GIT1: variants seen among roughly 807,000 people sequenced by gnomAD.
GIT1 encodes the protein GIT ArfGAP 1, also known as ARF GTPase-activating protein GIT1.
Under a neutral mutation model 91.7 loss-of-function variants are expected in GIT1, and 14 were observed. The observed-to-expected ratio is 0.15, with a 90% CI of 0.10 to 0.24. The LOEUF is 0.24. GIT1 is among the 10% of genes least tolerant of loss of function. GIT1 has a pLI of 1.00. For synonymous variants in GIT1, 414 were observed against 418.2 expected, an observed-to-expected ratio of 0.99 and a Z score of 0.12; for missense variants, 717 against 1,024.9, an observed-to-expected ratio of 0.70 and a Z score of 4.10.
In GIT1 at chr17:29,582,682, G is replaced by T. The variant is rs199568922; in HGVS notation, c.405+16C>A. On this transcript the variant is annotated intron_variant, in intron 4 of 19. Coordinates refer to ENST00000225394, the MANE Select transcript of GIT1 (RefSeq NM_014030.4). ...AAGAGGAGGGGGCCACCCATCTGTT[G>T]TAGGGCCCCTCAAACCTTGCTGAGG... 183 of 1,544,484 alleles carry T rather than the reference G, an allele frequency of 1.2e-4. 2 individuals are homozygous for T. In the East Asian group the frequency reaches 2.0e-3, roughly 16 times the overall value.
At chr17:29,577,772 C>T (rs1274263823) in intron 9 of GIT1, 30 bp from the exon 10 acceptor site, 11 of 1,399,430 alleles carry the variant, frequency 7.9e-6, no homozygotes, top group South Asian at 2.3e-5. Context: ...GCAGATCAGC[C>T]ACGGTGGCCA....
At position 29,581,610 on chromosome 17, in the gene GIT1, A is replaced by G. The variant is rs926849372; in HGVS notation, c.718+132T>C. The G allele has an allele frequency of 1.2e-5, 9 of 737,556 alleles. No individual in the cohort carries two copies. The highest frequency in any genetic ancestry group is 1.9e-5 in the Non-Finnish European group (8 of 430,262). 45.7% of individuals were successfully genotyped at this position (737,556 alleles called of 1,614,324 possible). A position where few individuals can be genotyped will look rare whatever the true frequency, so the allele number is the denominator to read the frequency against. On this transcript the variant is annotated intron_variant, in intron 6 of 19. Transcript: ENST00000225394. The surrounding 1 kb of genome is among the most constrained non-coding windows in gnomAD (Gnocchi z 4.8). Reference sequence around the variant, plus strand: ...CCAGAGCCTGCAGTAATTTCACAGGAGCCAGTTGCCTAGCAACATTGCTCC... The same window carrying G: ...CCAGAGCCTGCAGTAATTTCACAGGGGCCAGTTGCCTAGCAACATTGCTCC...
In GIT1 at chr17:29,581,845, A is replaced by G. The variant is rs768566975; in HGVS notation, c.624-9T>C. 1.2e-6 allele frequency: 2 copies of G among 1,610,998 alleles called. No homozygotes were observed. Among genetic ancestry groups the G allele is most frequent in the African/African-American group, 1.3e-5 (1 of 74,884 alleles). On this transcript the variant is annotated splice_polypyrimidine_tract_variant and intron_variant, in intron 5 of 19. Transcript: ENST00000225394. The surrounding 1 kb of genome is among the most constrained non-coding windows in gnomAD (Gnocchi z 4.8). ...CATGGTGCCCCGCCTGCCTGTGAGG[A>G]GGGGGTATGGCTCAGACCTGCAGCA...
At chr17:29,578,806 G>A in intron 7 of GIT1, 27 bp from the exon 8 acceptor site, 1 of 1,610,986 alleles carries the variant, frequency 6.2e-7, no homozygotes, top group Non-Finnish European at 8.5e-7. Flanking sequence ...ATGGGAATTG[G>A]GAGGAGAGGA....
In GIT1 at chr17:29,589,172, A is replaced by T. The variant is rs2033713036; in HGVS notation, c.52+155T>A. 6.6e-6 allele frequency among the ~76,000 whole-genome samples: 1 copy of T among 151,790 alleles called. No homozygotes were observed. ...AGGCCGGCCCTCCCGCCAAGGGCGCAGCTCCGCAGTGGCCGAGGCGGGGGC... is the reference window on the plus strand; with the variant it reads ...AGGCCGGCCCTCCCGCCAAGGGCGCTGCTCCGCAGTGGCCGAGGCGGGGGC... On this transcript the variant is annotated intron_variant, in intron 1 of 19. Coordinates refer to ENST00000225394, the MANE Select transcript of GIT1 (RefSeq NM_014030.4). This position sits in a 1 kb window ranked among gnomAD's most constrained non-coding sequence, Gnocchi z 5.2.
At chr17:29,579,564 A>G (rs1472445177) in intron 7 of GIT1, among the ~76,000 whole-genome samples, 2 of 152,122 alleles carry the variant, frequency 1.3e-5, no homozygotes. Context: ...TGGGCAACAC[A>G]GAGATACAAA....
rs771395067 is a variant in GIT1 at position 29,576,467 on chromosome 17, C to T, written c.1381-17G>A. 6.2e-7 allele frequency: 1 copy of T among 1,612,886 alleles called. No homozygotes were observed. The highest frequency in any genetic ancestry group is 8.5e-7 in the Non-Finnish European group (1 of 1,179,438). Reference sequence around the variant, plus strand: ...CTTGTGGATCTATGGGTGCAAAGTGCTGTCAACCCCCTGGAGTCCTGGGGC... The same window carrying T: ...CTTGTGGATCTATGGGTGCAAAGTGTTGTCAACCCCCTGGAGTCCTGGGGC... On this transcript the variant is annotated splice_polypyrimidine_tract_variant and intron_variant, in intron 13 of 19. Coordinates refer to ENST00000225394, the MANE Select transcript of GIT1 (RefSeq NM_014030.4).
In GIT1 at chr17:29,581,189, T is replaced by G; in HGVS notation, c.761+149A>C. On this transcript the variant is annotated intron_variant, in intron 7 of 19. Transcript: ENST00000225394. The surrounding 1 kb of genome is among the most constrained non-coding windows in gnomAD (Gnocchi z 4.8). Reference sequence around the variant, plus strand: ...TTTTTACCTGCCTTGGGGCCCAGCATTAGGGACTGAGGACTAAGCTGTGCC... The same window carrying G: ...TTTTTACCTGCCTTGGGGCCCAGCAGTAGGGACTGAGGACTAAGCTGTGCC... 1.5e-6 allele frequency: 1 copy of G among 677,286 alleles called. No homozygotes were observed. The highest frequency in any genetic ancestry group is 2.7e-6 in the Non-Finnish European group (1 of 371,862). The allele number at this position is 677,286 out of a possible 1,614,324, so 42.0% of individuals were successfully genotyped here.
At chr17:29,580,099 G>A (rs2033347822) in intron 7 of GIT1, among the ~76,000 whole-genome samples, 1 of 152,148 alleles carries the variant, frequency 6.6e-6, no homozygotes, top group African/African-American at 2.4e-5. Context: ...CCCCCATGAG[G>A]ACTAGAATCA....
chr17:29,576,248 GT>G lies in GIT1; in HGVS notation c.1582del (p.Thr528LeufsTer12). 1 of 1,609,450 alleles carries G rather than the reference GT, an allele frequency of 6.2e-7. No homozygotes were observed. Among genetic ancestry groups the G allele is most frequent in the Non-Finnish European group, 8.5e-7 (1 of 1,177,000 alleles). On this transcript the variant is annotated frameshift_variant, in exon 14 of 20. Transcript: ENST00000225394. LOFTEE classifies it high-confidence loss of function. ...GCTGTGGAAAGGCTGCAGCCGCGTA[GT>G]GAGCTCGTCCCCAGGGGGGCCCCCA... Reference protein sequence around the residue: ...PFGGPPGDELTTRLQPFHSTE... With the variant: ...PFGGPPGDELXTRLQPFHSTE...
At chr17:29,577,597 C>G in intron 10 of GIT1, 48 bp downstream of exon 10, 1 of 1,213,128 alleles carries the variant, frequency 8.2e-7, no homozygotes, top group Non-Finnish European at 1.2e-6. Flanking sequence ...GAGGAGGGAC[C>G]GCGGGGATGA....
In GIT1 at chr17:29,589,407, T is replaced by G. The variant is rs745788224; in HGVS notation, c.-29A>C. On this transcript the variant is annotated 5_prime_UTR_variant, in exon 1 of 20. Coordinates refer to ENST00000225394, the MANE Select transcript of GIT1 (RefSeq NM_014030.4). The surrounding 1 kb of genome is among the most constrained non-coding windows in gnomAD (Gnocchi z 5.2). The stretch of plus-strand genomic sequence containing the variant: ...CAGCGGCGACGCGGCCGCAGCCCTC[T>G]GGGCCAGCGTGGGGGGCGCGGGCGG... The G allele has an allele frequency of 4.2e-6, 4 of 957,746 alleles. No individual in the cohort carries two copies. Among genetic ancestry groups the G allele is most frequent in the South Asian group, 4.5e-5 (1 of 22,256 alleles). The allele number at this position is 957,746 out of a possible 1,614,324, so 59.3% of individuals were successfully genotyped here.
chr17:29,583,771 AC>A, intron 1 of GIT1, 155 bp from the exon 2 acceptor site: 1 of 791,664 alleles, frequency 1.3e-6, no homozygotes, highest in Non-Finnish European at 2.0e-6. Flanking sequence ...CGGCCAGGTT[AC>A]CAGTGAGGGA....
chr17:29,582,638 G>T, intron 4 of GIT1, 60 bp downstream of exon 4: 1 of 1,173,796 alleles, frequency 8.5e-7, no homozygotes, highest in Non-Finnish European at 1.3e-6. Context: ...GAGGCCTTCA[G>T]AGAGTCGTGG....
chr17:29,581,915 G>A lies in GIT1; in HGVS notation c.623+12C>T, dbSNP rs1380401783. The A allele has an allele frequency of 1.9e-6, 3 of 1,600,614 alleles. No homozygotes were observed. On this transcript the variant is annotated intron_variant, in intron 5 of 19. Coordinates refer to ENST00000225394, the MANE Select transcript of GIT1 (RefSeq NM_014030.4). This position sits in a 1 kb window ranked among gnomAD's most constrained non-coding sequence, Gnocchi z 4.8. ...CCACCCACCCACACTGCACCCTTCA[G>A]CCGACCCTCACCTGGCATAGTCAAT...
In GIT1 at chr17:29,581,026, G is replaced by A. The variant is rs535203185; in HGVS notation, c.761+312C>T. ...ACTCCCGACCTCAGGTGATCCGCCC[G>A]CCTCGGCCTCCCAAAGTGCTGGGAT... is the stretch of plus-strand genomic sequence containing the variant. On this transcript the variant is annotated intron_variant, in intron 7 of 19. Transcript: ENST00000225394. This position sits in a 1 kb window ranked among gnomAD's most constrained non-coding sequence, Gnocchi z 4.8. 430 of 359,748 alleles carry A rather than the reference G, an allele frequency of 1.2e-3. 2 individuals are homozygous for A. The highest frequency in any genetic ancestry group is 3.7e-3 in the South Asian group (109 of 29,808). 22.3% of individuals were successfully genotyped at this position (359,748 alleles called of 1,614,324 possible). A position where few individuals can be genotyped will look rare whatever the true frequency, so the allele number is the denominator to read the frequency against.
Position 29,583,022 on chromosome 17 carries a change from CA to C in GIT1, c.201del (p.Ala68ProfsTer120). The part of the protein sequence containing the change: ...PPTLLQMVHT[L>X]ASNGANSIWE... Reference sequence around the variant, plus strand: ...CAGATGGAGTTGGCCCCGTTGCTGGCAAGCGTGTGCACCATCTGCAGGGAAG... The same window carrying C: ...CAGATGGAGTTGGCCCCGTTGCTGGCAGCGTGTGCACCATCTGCAGGGAAG... On this transcript the variant is annotated frameshift_variant, in exon 3 of 20. Transcript: ENST00000225394. LOFTEE classifies it high-confidence loss of function. The C allele has an allele frequency of 6.2e-7, 1 of 1,607,746 alleles. No homozygotes were observed. The highest frequency in any genetic ancestry group is 8.5e-7 in the Non-Finnish European group (1 of 1,176,872).
At position 29,578,852 on chromosome 17, in the gene GIT1, C is replaced by A. The variant is rs372714199; in HGVS notation, c.762-73G>T. On this transcript the variant is annotated intron_variant, in intron 7 of 19. Coordinates refer to ENST00000225394, the MANE Select transcript of GIT1 (RefSeq NM_014030.4). ...AGGTGGCCAGGCCCATGCCAGCAAC[C>A]TCCCCAACATGCAGGGATCCCGGGG... The A allele has an allele frequency of 2.7e-5, 43 of 1,567,346 alleles. No individual in the cohort carries two copies. In the Middle Eastern group the frequency reaches 6.7e-4, roughly 24 times the overall value.
rs911222122 is a variant in GIT1 at position 29,581,980 on chromosome 17, C to T, written c.570G>A (p.Gly190=). The T allele has an allele frequency of 4.3e-6, 7 of 1,612,832 alleles. No homozygotes were observed. In the African/African-American group the frequency reaches 9.3e-5, roughly 22 times the overall value. ...TLQAELLVVY[G]ADPGSPDVNG... ...TAACATCAGGGGAGCCAGGGTCAGC[C>T]CCATACACTACAAGCAGCTCGGCCT... Residue 190 remains glycine, a synonymous_variant, in exon 5 of 20, where the codon GGG becomes GGA. Transcript: ENST00000225394. This position sits in a 1 kb window ranked among gnomAD's most constrained non-coding sequence, Gnocchi z 4.8.
Sources: gnomAD v4.1 joint callset for allele counts (sites outside exome capture counted in the v4.1 genomes callset) on GRCh38, gnomAD v4.1.1 for gene constraint, Gnocchi (gnomAD v3.1) non-coding constraint, MANE v1.5 for transcripts, NCBI Gene and HGNC (gene_info 2026-07-23, HGNC 2026-07-21) for gene names.